The following FOCAD variants were observed in gnomAD, a reference collection of about 807,000 sequenced individuals.
FOCAD encodes KIAA1797.
A neutral mutation model predicts 225.6 loss-of-function variants in FOCAD; 198 were observed. That is an observed-to-expected ratio of 0.88 (90% CI 0.78 to 0.99). FOCAD has a LOEUF of 0.99. FOCAD is among the 50% of genes least tolerant of loss of function. The pLI is 0.00. For synonymous variants in FOCAD, 897 were observed against 755.0 expected, an observed-to-expected ratio of 1.19 and a Z score of -3.08; for missense variants, 2,713 against 2,123.6, an observed-to-expected ratio of 1.28 and a Z score of -5.46.
intron 24 of FOCAD, among the ~76,000 whole-genome samples, chr9:20,918,008 A>G (rs1834014741): frequency 1.3e-5 from 2 of 152,244 alleles, no homozygotes; most frequent in Admixed American, 1.3e-4. Flanking sequence ...TAAAGTACAG[A>G]GAGCTTAGAT....
chr9:20,670,386 T>C (rs10811388), intron 2 of FOCAD, among the ~76,000 whole-genome samples: 91,771 of 152,062 alleles, frequency 0.6, 28,216 homozygotes, highest in South Asian at 0.74. Context: ...AACTGGGTAA[T>C]TATAAACAAA....
intron 11 of FOCAD, among the ~76,000 whole-genome samples, chr9:20,814,346 CTTTTT>C (rs1564023268): frequency 6.6e-6 from 1 of 150,686 alleles, no homozygotes; most frequent in Non-Finnish European, 1.5e-5. Flanking sequence ...ATTTTCTTTT[CTTTTT>C]TCTTTTTTTC....
intron 15 of FOCAD, among the ~76,000 whole-genome samples, chr9:20,841,326 G>A (rs1330052280): frequency 6.6e-6 from 1 of 151,092 alleles, no homozygotes; most frequent in Non-Finnish European, 1.5e-5. Flanking sequence ...TAAATGTTTA[G>A]TTCTTCTATA....
At chr9:20,949,137 T>G (rs953668499) in intron 32 of FOCAD, among the ~76,000 whole-genome samples, 8 of 152,158 alleles carry the variant, frequency 5.3e-5, no homozygotes, top group African/African-American at 1.9e-4. Context: ...TTAATTTGGT[T>G]TTTAGAGATT....
intron 30 of FOCAD, 91 bp from the exon 31 acceptor site, chr9:20,948,180 C>A: frequency 8.2e-7 from 1 of 1,217,024 alleles, no homozygotes; most frequent in Non-Finnish European, 1.1e-6. Flanking sequence ...AAAGTTAGCA[C>A]TAAAAGTGTT....
At chr9:20,789,191 C>T in intron 10 of FOCAD, 160 bp from the exon 11 acceptor site, 1 of 745,414 alleles carries the variant, frequency 1.3e-6, no homozygotes, top group South Asian at 1.9e-5. Context: ...AATCCTATTA[C>T]CTCAAATATG....
intron 1 of FOCAD, among the ~76,000 whole-genome samples, chr9:20,712,990 C>A (rs1235389097): frequency 6.6e-6 from 1 of 152,118 alleles, no homozygotes; most frequent in Non-Finnish European, 1.5e-5. Context: ...GCCTCAGCCT[C>A]CCAAAGTGCT....
intron 1 of FOCAD, among the ~76,000 whole-genome samples, chr9:20,700,431 GA>G (rs1407638982): frequency 6.7e-6 from 1 of 149,982 alleles, no homozygotes; most frequent in Non-Finnish European, 1.5e-5. Flanking sequence ...CAAAATTTAT[GA>G]CAGCATAATG....
intron 5 of FOCAD, among the ~76,000 whole-genome samples, chr9:20,754,881 T>TA (rs1468897330): frequency 6.6e-6 from 1 of 152,190 alleles, no homozygotes; most frequent in Non-Finnish European, 1.5e-5. Context: ...TTTATTGAAT[T>TA]AAAAAATACA....
intron 14 of FOCAD, among the ~76,000 whole-genome samples, chr9:20,822,758 T>G (rs980535834): frequency 1.3e-5 from 2 of 152,022 alleles, no homozygotes; most frequent in African/African-American, 4.8e-5. Context: ...TGAAATTTGT[T>G]AAAAAGTGTC....
At chr9:20,766,382 A>G (rs1284064453) in intron 7 of FOCAD, among the ~76,000 whole-genome samples, 1 of 152,192 alleles carries the variant, frequency 6.6e-6, no homozygotes, top group Non-Finnish European at 1.5e-5. Flanking sequence ...GAGACAATAT[A>G]ATCCATTTAC....
Position 20,986,464 on chromosome 9 carries a change from G to A in FOCAD, c.4905G>A (p.Thr1635=), listed in dbSNP as rs78732923. Residue 1635 remains threonine, a splice_region_variant and synonymous_variant, in exon 40 of 44, where the codon ACG becomes ACA. Coordinates refer to ENST00000338382, the MANE Select transcript of FOCAD (RefSeq NM_001375567.1). ...YQARIVSHAN[T]GVLKRMEWLL... ...CACGGATTGTGAGCCATGCCAATAC[G>A]GGTGAGGACACCCTGGGGTGAACAT... is the stretch of plus-strand genomic sequence containing the variant. 250 of 1,604,700 alleles carry A rather than the reference G, an allele frequency of 1.6e-4. 1 individual carries two copies. In the East Asian group the frequency reaches 4.8e-3, roughly 31 times the overall value.
chr9:20,923,629 T>A (rs1375093276), intron 24 of FOCAD, 31 bp from the exon 25 acceptor site: 1 of 1,569,854 alleles, frequency 6.4e-7, no homozygotes, highest in Non-Finnish European at 8.8e-7. Flanking sequence ...ATACCAAAGT[T>A]CTCTGTTGAA....
chr9:20,921,553 T>C (rs1195517929), intron 24 of FOCAD, among the ~76,000 whole-genome samples: 2 of 152,192 alleles, frequency 1.3e-5, no homozygotes, highest in African/African-American at 2.4e-5. Flanking sequence ...GTGGCAGGCA[T>C]GAAGGGAATG....
chr9:20,820,505 TGCTTTG>T, intron 13 of FOCAD, 80 bp downstream of exon 13: 2 of 1,274,700 alleles, frequency 1.6e-6, no homozygotes, highest in Non-Finnish European at 2.2e-6. Context: ...TATATGGCAA[TGCTTTG>T]GTTTAGTGGT....
chr9:20,851,823 C>T (rs1208153425), intron 15 of FOCAD, among the ~76,000 whole-genome samples: 1 of 151,876 alleles, frequency 6.6e-6, no homozygotes. Context: ...GCTGACTCTT[C>T]CAATCCAGCC....
chr9:20,700,881 C>T (rs1351525632), intron 1 of FOCAD, among the ~76,000 whole-genome samples: 1 of 152,198 alleles, frequency 6.6e-6, no homozygotes, highest in African/African-American at 2.4e-5. Context: ...CCATGCCAGA[C>T]CCTGAAGGGG....
At chr9:20,668,886 C>A (rs1488517534) in intron 2 of FOCAD, among the ~76,000 whole-genome samples, 1 of 151,442 alleles carries the variant, frequency 6.6e-6, no homozygotes, top group Non-Finnish European at 1.5e-5. Context: ...ATTGCCCATC[C>A]TGTTCCCAGG....
chr9:20,656,714 G>A (rs1821488120), upstream of FOCAD, among the ~76,000 whole-genome samples: 1 of 152,042 alleles, frequency 6.6e-6, no homozygotes, highest in Non-Finnish European at 1.5e-5. Flanking sequence ...ACACTGATGG[G>A]TCTTGACTGT....
Sources: gnomAD v4.1 joint callset for allele counts (sites outside exome capture counted in the v4.1 genomes callset) on GRCh38, gnomAD v4.1.1 for gene constraint, MANE v1.5 for transcripts, NCBI Gene and HGNC (gene_info 2026-07-23, HGNC 2026-07-21) for gene names.